PRDM9: variants seen among roughly 807,000 people sequenced by gnomAD.
PRDM9 encodes PR/SET domain 9, also known as histone-lysine N-methyltransferase PRDM9.
Under a neutral mutation model 55.6 loss-of-function variants are expected in PRDM9, and 47 were observed. The observed-to-expected ratio is 0.85, with a 90% CI of 0.67 to 1.08. The LOEUF is 1.08. Among genes scored for constraint, PRDM9 ranks in the 50% least tolerant of loss-of-function variants. PRDM9 has a pLI of 0.00. For missense variants in PRDM9, 867 were observed against 1,040.3 expected (o/e 0.83, Z 2.29); for synonymous variants, 312 against 375.7 (o/e 0.83, Z 1.96).
chr5:23,517,924 C>T lies in PRDM9; in HGVS notation c.345C>T (p.His115=). 1 of 1,596,764 alleles carries T rather than the reference C, an allele frequency of 6.3e-7. No homozygotes were observed. The highest frequency in any genetic ancestry group is 1.1e-5 in the South Asian group (1 of 90,688). The change falls in exon 5 of 11, where the codon CAC becomes CAT. Residue 115 remains histidine (H), a synonymous_variant. Transcript: ENST00000296682. ...WMALRVEQRK[H]QKGMPKASFS... ...CCTTAAGAGTGGAACAGCGTAAACA[C>T]CAGAAGGTAAGTATTTCCCAAATCC...
At chr5:23,521,211 C>T (rs749251478) in intron 6 of PRDM9, 32 bp downstream of exon 6, 2 of 1,608,624 alleles carry the variant, frequency 1.2e-6, no homozygotes, top group Non-Finnish European at 1.7e-6. Context: ...GACTTTAGTC[C>T]CTCTATGTCC....
Position 23,526,725 on chromosome 5 carries a change from A to G in PRDM9, c.1637A>G (p.His546Arg). 6 of 1,614,238 alleles carry G rather than the reference A, an allele frequency of 3.7e-6. No homozygotes were observed. Among genetic ancestry groups the G allele is most frequent in the Non-Finnish European group, 5.1e-6 (6 of 1,180,040 alleles). The stretch of plus-strand genomic sequence containing the variant: ...GATGTTATTACACACCAAAGGACAC[A>G]TACAGGGGAGAAGCTCTACGTCTGC... ...KSDVITHQRT[H>R]TGEKLYVCRE... Residue 546 changes from histidine (H) to arginine (R), a missense_variant, in exon 11 of 11, where the codon CAT becomes CGT. This residue lies in a region of PRDM9 where 662 missense variants were observed against 711.9 expected (regional missense o/e 0.93). Coordinates refer to ENST00000296682, the MANE Select transcript of PRDM9 (RefSeq NM_020227.4).
chr5:23,518,293 A>G (rs1448621151), intron 5 of PRDM9, among the ~76,000 whole-genome samples: 1 of 152,244 alleles, frequency 6.6e-6, no homozygotes, highest in Non-Finnish European at 1.5e-5. Flanking sequence ...CTGGGATCAC[A>G]TTCAGTGTTG....
intron 10 of PRDM9, 56 bp from the exon 11 acceptor site, chr5:23,526,177 A>G (rs1739424560): frequency 1.3e-6 from 2 of 1,529,822 alleles, no homozygotes; most frequent in African/African-American, 1.4e-5. Flanking sequence ...TCATACCTTC[A>G]TATGTGGTAA....
chr5:23,509,323 G>C, intron 2 of PRDM9, 147 bp from the exon 3 acceptor site: 1 of 1,464,330 alleles, frequency 6.8e-7, no homozygotes, highest in Admixed American at 1.7e-5. Flanking sequence ...CAGTTAAATG[G>C]GACACAGTCT....
At chr5:23,523,958 A>G (rs1739382973) in intron 9 of PRDM9, among the ~76,000 whole-genome samples, 2 of 152,206 alleles carry the variant, frequency 1.3e-5, no homozygotes, top group African/African-American at 4.8e-5. Flanking sequence ...GCACTAATCT[A>G]GAAGCAGAGT....
chr5:23,516,066 A>G (rs531873088), intron 4 of PRDM9, among the ~76,000 whole-genome samples: 56 of 152,328 alleles, frequency 3.7e-4, no homozygotes, highest in Non-Finnish European at 5.3e-4. Flanking sequence ...GCATTTTGAT[A>G]GAGATGGCAT....
chr5:23,521,988 G>T (rs536108661), intron 6 of PRDM9, among the ~76,000 whole-genome samples: 11 of 152,268 alleles, frequency 7.2e-5, no homozygotes, highest in African/African-American at 2.2e-4. Context: ...CCAGGCCTTT[G>T]TTCAATGCCT....
In PRDM9 at chr5:23,522,629, A is replaced by G. The variant is rs1261168316; in HGVS notation, c.626A>G (p.Gln209Arg). The change falls in exon 8 of 11, where the codon CAG (glutamine) becomes CGG (arginine). Residue 209 changes from glutamine to arginine, a missense_variant. Around this residue, in one of 5 missense-constraint regions of PRDM9, gnomAD observed 662 missense variants for 711.9 expected, o/e 0.93. Transcript: ENST00000296682. ...DDDYLYCEMCQNFFIDSCAAH... is the reference protein window; with the variant it reads ...DDDYLYCEMCRNFFIDSCAAH... ...TCACTTCCAGATTGTGAGATGTGTC[A>G]GAACTTCTTCATTGACAGCTGTGCT... is the stretch of plus-strand genomic sequence containing the variant. 5.0e-6 allele frequency: 8 copies of G among 1,614,098 alleles called. No homozygotes were observed. The highest frequency in any genetic ancestry group is 6.8e-6 in the Non-Finnish European group (8 of 1,180,034).
rs77287813 is a variant in PRDM9 at position 23,527,456 on chromosome 5, A to C, written c.2368A>C (p.Asn790His). 31,213 of 1,436,540 alleles carry C rather than the reference A, an allele frequency of 0.022. 454 individuals are homozygous for C. Among genetic ancestry groups the C allele is most frequent in the Middle Eastern group, 0.037 (185 of 5,042 alleles). 89.0% of individuals were successfully genotyped at this position (1,436,540 alleles called of 1,614,324 possible). ...TGGGCGGGGCTTTAGAGATAAGTCA[A>C]ACCTCCTCAGTCACCAGAGGACACA... Reference protein sequence around the residue: ...ECGRGFRDKSNLLSHQRTHTG... With the variant: ...ECGRGFRDKSHLLSHQRTHTG... The change falls in exon 11 of 11, where the codon AAC (asparagine) becomes CAC (histidine). Residue 790 changes from asparagine (N) to histidine (H), a missense_variant. This residue lies in a region of PRDM9 where 92 missense variants were observed against 185.7 expected (regional missense o/e 0.50). Transcript: ENST00000296682.
rs373367667 is a variant in PRDM9 at position 23,526,805 on chromosome 5, A to G, written c.1717A>G (p.Ile573Val). 16 of 1,586,954 alleles carry G rather than the reference A, an allele frequency of 1.0e-5. No homozygotes were observed. The highest frequency in any genetic ancestry group is 1.1e-5 in the Non-Finnish European group (13 of 1,167,906). ...WKSHLLIHQR[I>V]HTGEKPYVCR... ...GTCACACCTCCTCATTCACCAGAGG[A>G]TACACACAGGGGAGAAGCCCTATGT... Residue 573 changes from isoleucine (I) to valine (V), a missense_variant, in exon 11 of 11, where the codon ATA becomes GTA. Transcript: ENST00000296682.
chr5:23,512,261 C>A (rs1297683784), intron 4 of PRDM9, among the ~76,000 whole-genome samples: 4 of 152,076 alleles, frequency 2.6e-5, no homozygotes, highest in Admixed American at 2.0e-4. Context: ...TCCCATATGT[C>A]ACTGACCAGA....
In PRDM9 at chr5:23,516,860, C is replaced by T. The variant is rs1420039795; in HGVS notation, c.302-1021C>T. 2.7e-5 allele frequency among the ~76,000 whole-genome samples: 4 copies of T among 148,784 alleles called. 1 individual carries two copies. In the South Asian group the frequency reaches 6.5e-4, roughly 24 times the overall value. ...TCAGCCTCCTGATTAGCTGGGACTACAGGCGCCCGCCACCACACCTGTAAT... is the reference window on the plus strand; with the variant it reads ...TCAGCCTCCTGATTAGCTGGGACTATAGGCGCCCGCCACCACACCTGTAAT... On this transcript the variant is annotated intron_variant, in intron 4 of 10. Transcript: ENST00000296682.
chr5:23,520,313 T>C (rs1050090714), intron 5 of PRDM9, among the ~76,000 whole-genome samples: 1 of 139,224 alleles, frequency 7.2e-6, no homozygotes, highest in African/African-American at 2.7e-5. Context: ...TGCAGTGAGC[T>C]GATATCGTGC....
At chr5:23,520,602 T>A (rs1739309985) in intron 5 of PRDM9, among the ~76,000 whole-genome samples, 1 of 152,142 alleles carries the variant, frequency 6.6e-6, no homozygotes, top group African/African-American at 2.4e-5. Context: ...TTCCCAATCT[T>A]ACTGCTCTAT....
chr5:23,513,329 G>A (rs562156871), intron 4 of PRDM9, among the ~76,000 whole-genome samples: 1 of 152,264 alleles, frequency 6.6e-6, no homozygotes, highest in South Asian at 2.1e-4. Context: ...CCTTTAAGAG[G>A]TGAATTAGGT....
In PRDM9 at chr5:23,526,453, G is replaced by T. The variant is rs769758225; in HGVS notation, c.1365G>T (p.Glu455Asp). ...GTAATGACAAAACCAAAGGTCAAGA[G>T]ATCAAAGAAAGGTCCAAACTCTTGA... ...HSRNDKTKGQ[E>D]IKERSKLLNK... The change falls in exon 11 of 11, where the codon GAG (glutamate) becomes GAT (aspartate). Residue 455 changes from glutamate to aspartate, a missense_variant. Around this residue, in one of 5 missense-constraint regions of PRDM9, gnomAD observed 662 missense variants for 711.9 expected, o/e 0.93. Transcript: ENST00000296682. 14 of 1,614,178 alleles carry T rather than the reference G, an allele frequency of 8.7e-6. No individual in the cohort carries two copies. In the South Asian group the frequency reaches 1.4e-4, roughly 16 times the overall value.
intron 9 of PRDM9, among the ~76,000 whole-genome samples, chr5:23,523,976 C>G (rs1739383273): frequency 1.3e-5 from 2 of 152,106 alleles, no homozygotes; most frequent in African/African-American, 4.8e-5. Flanking sequence ...AGTACATGAT[C>G]AAGCACCAAG....
At chr5:23,517,392 A>G (rs369275074) in intron 4 of PRDM9, among the ~76,000 whole-genome samples, 2 of 152,280 alleles carry the variant, frequency 1.3e-5, no homozygotes, top group South Asian at 2.1e-4. Flanking sequence ...TAATAGAAAC[A>G]TAGGCCTTAA....
Sources: gnomAD v4.1 joint callset for allele counts (sites outside exome capture counted in the v4.1 genomes callset) on GRCh38, gnomAD v4.1.1 for gene constraint, gnomAD v4.1.1 regional missense constraint, MANE v1.5 for transcripts, NCBI Gene and HGNC (gene_info 2026-07-23, HGNC 2026-07-21) for gene names.